Variants in TSHZ3 observed in about 807,000 individuals in gnomAD.
The protein encoded by TSHZ3 is teashirt homolog 3.
Under a neutral mutation model 64.5 loss-of-function variants are expected in TSHZ3, and 10 were observed. The ratio of observed to expected loss-of-function variants is 0.16; its 90% confidence interval spans 0.10 to 0.26. The LOEUF (loss-of-function observed/expected upper bound fraction) is 0.26, where lower values mean the gene tolerates loss of function less well. Among genes scored for constraint, TSHZ3 ranks in the 10% least tolerant of loss-of-function variants. The probability of loss-of-function intolerance (pLI) is 1.00; values close to 1 mark genes in which losing one functional copy is unlikely to be tolerated. For synonymous variants in TSHZ3, 608 were observed against 593.1 expected (o/e 1.03, Z -0.36); for missense variants, 1,242 against 1,421.7 (o/e 0.87, Z 2.03).
At chr19:31,162,273 A>C (rs544710047) in intron 5 of TSHZ3, among the ~76,000 whole-genome samples, 1 of 152,306 alleles carries the variant, frequency 6.6e-6, no homozygotes, top group Non-Finnish European at 1.5e-5. Context: ...TTATAATCTA[A>C]TTATAATCAG....
chr19:31,303,214 G>A (rs931181822), intron 1 of TSHZ3, among the ~76,000 whole-genome samples: 3 of 152,132 alleles, frequency 2.0e-5, no homozygotes, highest in African/African-American at 4.8e-5. Flanking sequence ...CCTTCACTCC[G>A]GCAAATCGCC....
At chr19:31,195,891 G>A (rs556405245) in intron 5 of TSHZ3, among the ~76,000 whole-genome samples, 1 of 152,028 alleles carries the variant, frequency 6.6e-6, no homozygotes, top group East Asian at 1.9e-4. Flanking sequence ...TTTGAGAAAT[G>A]AGTCAGTAGG....
At chr19:31,199,268 G>T (rs188863482) in intron 5 of TSHZ3, among the ~76,000 whole-genome samples, 1 of 151,740 alleles carries the variant, frequency 6.6e-6, no homozygotes, top group African/African-American at 2.4e-5. Context: ...GCTGGGCATC[G>T]TGGCGGGCGC....
upstream of TSHZ3, among the ~76,000 whole-genome samples, chr19:31,350,750 G>A (rs1392054771): frequency 2.7e-5 from 4 of 149,368 alleles, no homozygotes; most frequent in African/African-American, 7.3e-5. Context: ...GTGGGCCGGA[G>A]CTCATGCGGG....
At chr19:31,212,044 TTCTC>T (rs1321892950) in intron 4 of TSHZ3, among the ~76,000 whole-genome samples, 1 of 152,008 alleles carries the variant, frequency 6.6e-6, no homozygotes, top group Admixed American at 6.5e-5. Flanking sequence ...AAGCTTTTCT[TTCTC>T]TCTTTTTTTT....
chr19:31,161,315 A>G (rs146248002), intron 5 of TSHZ3, among the ~76,000 whole-genome samples: 1 of 152,366 alleles, frequency 6.6e-6, no homozygotes, highest in African/African-American at 2.4e-5. Context: ...AACTAGAATT[A>G]TATTTTACTA....
At chr19:31,222,044 C>T (rs1204113540) in intron 4 of TSHZ3, among the ~76,000 whole-genome samples, 3 of 152,172 alleles carry the variant, frequency 2.0e-5, no homozygotes, top group Non-Finnish European at 4.4e-5. Context: ...TTTGCCTGGA[C>T]CCCAGCTATA....
chr19:31,298,902 G>A (rs955654492), intron 1 of TSHZ3, among the ~76,000 whole-genome samples: 1 of 152,150 alleles, frequency 6.6e-6, no homozygotes. Context: ...TTCTTTAAAA[G>A]CGTGACACAC....
chr19:31,225,596 G>T (rs1166095304), intron 4 of TSHZ3, among the ~76,000 whole-genome samples: 1 of 152,086 alleles, frequency 6.6e-6, no homozygotes, highest in African/African-American at 2.4e-5. Flanking sequence ...GAATCTATCG[G>T]CCCATCTGCA....
At chr19:31,329,757 C>T (rs561305507) in intron 1 of TSHZ3, among the ~76,000 whole-genome samples, 1 of 152,314 alleles carries the variant, frequency 6.6e-6, no homozygotes, top group South Asian at 2.1e-4. Context: ...AGGAACACCG[C>T]CCTGTGTAAC....
chr19:31,272,172 T>C (rs774480533), downstream of TSHZ3, among the ~76,000 whole-genome samples: 22 of 152,226 alleles, frequency 1.4e-4, no homozygotes, highest in Admixed American at 3.9e-4. Flanking sequence ...CTCCTGTCTC[T>C]CTGCCACTCA....
At chr19:31,158,370 G>C (rs1346998292) in intron 5 of TSHZ3, among the ~76,000 whole-genome samples, 2 of 152,204 alleles carry the variant, frequency 1.3e-5, no homozygotes, top group African/African-American at 4.8e-5. Flanking sequence ...TATTGCAGCT[G>C]TAACAAATTA....
intron 1 of TSHZ3, among the ~76,000 whole-genome samples, chr19:31,338,287 A>G (rs1356312504): frequency 1.3e-5 from 2 of 152,206 alleles, no homozygotes; most frequent in Non-Finnish European, 2.9e-5. Context: ...TCAAGGGTGC[A>G]AACCCAGAAG....
intron 1 of TSHZ3, among the ~76,000 whole-genome samples, chr19:31,322,762 T>C (rs1384912639): frequency 2.6e-5 from 4 of 152,176 alleles, no homozygotes; most frequent in African/African-American, 9.7e-5. Flanking sequence ...AGGAATAAAT[T>C]AGTGATGGAC....
chr19:31,258,587 T>C (rs1405687771), intron 1 of TSHZ3, among the ~76,000 whole-genome samples: 4 of 152,214 alleles, frequency 2.6e-5, no homozygotes, highest in African/African-American at 9.6e-5. Context: ...TCTCCCCCAC[T>C]GATCTGATCA....
At chr19:31,304,478 A>G (rs940085716) in intron 1 of TSHZ3, among the ~76,000 whole-genome samples, 2 of 151,470 alleles carry the variant, frequency 1.3e-5, no homozygotes, top group African/African-American at 4.9e-5. Flanking sequence ...CCCTTCCCCA[A>G]ACTGTCAAAC....
At chr19:31,317,450 G>A (rs994266402) in intron 1 of TSHZ3, among the ~76,000 whole-genome samples, 1 of 152,172 alleles carries the variant, frequency 6.6e-6, no homozygotes, top group African/African-American at 2.4e-5. Flanking sequence ...ACCTGCCAGG[G>A]ATTCAGAAGC....
At chr19:31,176,693 G>T (rs556410595) in intron 5 of TSHZ3, among the ~76,000 whole-genome samples, 2 of 152,270 alleles carry the variant, frequency 1.3e-5, no homozygotes, top group South Asian at 4.2e-4. Context: ...GGGAGGCTGA[G>T]GTGGGAGGAT....
chr19:31,285,508 C>T (rs1052491805), intron 1 of TSHZ3, among the ~76,000 whole-genome samples: 7 of 148,232 alleles, frequency 4.7e-5, no homozygotes, highest in Non-Finnish European at 1.0e-4. Context: ...GTAGGCCAGG[C>T]GTGGTGGCTT....
Sources: allele counts gnomAD v4.1 joint callset (sites outside exome capture counted in the v4.1 genomes callset), GRCh38; gene constraint gnomAD v4.1.1; transcripts MANE v1.5; gene names NCBI Gene and HGNC (gene_info 2026-07-23, HGNC 2026-07-21).